The following ASTN2 variants were observed in gnomAD, a reference collection of about 807,000 sequenced individuals.
ASTN2 encodes astrotactin-2.
In ASTN2, 54 loss-of-function variants were observed where a neutral mutation model predicts 139.8. That is an observed-to-expected ratio of 0.39 (90% confidence interval 0.31 to 0.48). The LOEUF is 0.48. Among genes scored for constraint, ASTN2 ranks in the 20% least tolerant of loss-of-function variants. ASTN2 has a pLI of 0.95. For synonymous variants in ASTN2, 756 were observed against 719.5 expected, an observed-to-expected ratio of 1.05 and a Z score of -0.81; for missense variants, 1,565 against 1,725.1, an observed-to-expected ratio of 0.91 and a Z score of 1.64.
intron 20 of ASTN2, among the ~76,000 whole-genome samples, chr9:116,479,578 C>A (rs1258156358): frequency 6.6e-6 from 1 of 152,130 alleles, no homozygotes; most frequent in East Asian, 1.9e-4. Flanking sequence ...CAGATGAGAG[C>A]TGGGAAATCA....
chr9:116,478,268 A>C, intron 20 of ASTN2, among the ~76,000 whole-genome samples: 1 of 149,056 alleles, frequency 6.7e-6, no homozygotes. Flanking sequence ...GGAAGGAAGG[A>C]AGGAAGGAAG....
rs138991997 is a variant in ASTN2 at position 117,213,465 on chromosome 9, G to T, written c.1015+893C>A. Reference sequence around the variant, plus strand: ...GCTTATTGAACATTCCCAATGCAAAGAAATGATCAATGTTTAAGATGATTG... The same window carrying T: ...GCTTATTGAACATTCCCAATGCAAATAAATGATCAATGTTTAAGATGATTG... On this transcript the variant is annotated intron_variant, in intron 3 of 22. Coordinates refer to ENST00000313400, the MANE Select transcript of ASTN2 (RefSeq NM_001365068.1). 1.8e-3 allele frequency among the ~76,000 whole-genome samples: 276 copies of T among 152,232 alleles called. 1 individual carries two copies. Among genetic ancestry groups the T allele is most frequent in the Non-Finnish European group, 3.0e-3 (205 of 68,018 alleles).
intron 6 of ASTN2, among the ~76,000 whole-genome samples, chr9:117,016,443 C>T (rs1485437773): frequency 6.6e-6 from 1 of 150,878 alleles, no homozygotes; most frequent in Non-Finnish European, 1.5e-5. Flanking sequence ...GGGAAACTGT[C>T]ACTGGGCTAG....
At chr9:117,051,074 C>T (rs948060524) in intron 5 of ASTN2, among the ~76,000 whole-genome samples, 1 of 152,132 alleles carries the variant, frequency 6.6e-6, no homozygotes, top group Non-Finnish European at 1.5e-5. Context: ...CATATATTTT[C>T]TGTTCTAATT....
At chr9:116,533,984 C>T (rs139991194) in intron 19 of ASTN2, among the ~76,000 whole-genome samples, 9,071 of 152,240 alleles carry the variant, frequency 0.06, 355 homozygotes, top group Non-Finnish European at 0.089. Context: ...GTGAATCCAT[C>T]TGGTCCTGGA....
At chr9:116,990,863 T>G (rs1361682665) in intron 7 of ASTN2, among the ~76,000 whole-genome samples, 3 of 152,166 alleles carry the variant, frequency 2.0e-5, no homozygotes, top group Non-Finnish European at 4.4e-5. Flanking sequence ...CAGGTTTCAT[T>G]GTTAGGTTCA....
chr9:116,631,890 C>T (rs112594064), intron 17 of ASTN2, among the ~76,000 whole-genome samples: 4,447 of 151,894 alleles, frequency 0.029, 200 homozygotes, highest in African/African-American at 0.1. Flanking sequence ...CCGAGGCAGG[C>T]GGATCACAAG....
At chr9:117,358,759 A>G (rs1490485850) in intron 1 of ASTN2, among the ~76,000 whole-genome samples, 1 of 152,098 alleles carries the variant, frequency 6.6e-6, no homozygotes, top group Non-Finnish European at 1.5e-5. Context: ...GTTGCATCCA[A>G]CTGTTCAACA....
chr9:116,532,411 G>T (rs1252189152), intron 19 of ASTN2, among the ~76,000 whole-genome samples: 2 of 152,142 alleles, frequency 1.3e-5, no homozygotes, highest in Admixed American at 1.3e-4. Context: ...ACTGTTTTTG[G>T]TGTTTTAGAT....
chr9:117,207,011 C>T (rs575707913), intron 3 of ASTN2, among the ~76,000 whole-genome samples: 1 of 152,292 alleles, frequency 6.6e-6, no homozygotes, highest in East Asian at 1.9e-4. Context: ...AACAGCCAAG[C>T]AGCCAACAGC....
intron 11 of ASTN2, among the ~76,000 whole-genome samples, chr9:116,851,975 T>C (rs775826594): frequency 2.6e-5 from 4 of 152,142 alleles, no homozygotes; most frequent in Non-Finnish European, 4.4e-5. Flanking sequence ...AACTCTGAAT[T>C]TGTAGGAAGG....
In ASTN2 at chr9:116,999,413, A is replaced by T. The variant is rs74798283; in HGVS notation, c.1591+8679T>A. 4.6e-5 allele frequency among the ~76,000 whole-genome samples: 7 copies of T among 152,208 alleles called. No individual in the cohort carries two copies. The East Asian group carries it at 1.2e-3, about 25-fold the overall frequency. On this transcript the variant is annotated intron_variant, in intron 7 of 22. Transcript: ENST00000313400. ...GTCCCCACTCATTGCTTTGTTGAAG[A>T]GAAGGAATCTGAAGTTCACGGTATG...
chr9:116,863,067 C>T (rs1832931263), intron 11 of ASTN2, among the ~76,000 whole-genome samples: 3 of 152,128 alleles, frequency 2.0e-5, no homozygotes, highest in Non-Finnish European at 4.4e-5. Context: ...CATGTCTTTG[C>T]TTGGCTGTCT....
intron 14 of ASTN2, among the ~76,000 whole-genome samples, chr9:116,731,197 T>C (rs1384384621): frequency 7.1e-6 from 1 of 140,464 alleles, no homozygotes; most frequent in East Asian, 2.0e-4. Flanking sequence ...ATAATAATAA[T>C]AATAATAATA....
At chr9:116,515,208 T>C (rs946135697) in intron 19 of ASTN2, among the ~76,000 whole-genome samples, 4 of 152,204 alleles carry the variant, frequency 2.6e-5, no homozygotes, top group African/African-American at 9.6e-5. Context: ...ATATGAATCC[T>C]AGCTTTCCCT....
intron 5 of ASTN2, among the ~76,000 whole-genome samples, chr9:117,047,847 GTTA>G (rs558454633): frequency 0.013 from 1,955 of 151,806 alleles, 23 homozygotes; most frequent in Non-Finnish European, 0.023. Flanking sequence ...AATAATAATT[GTTA>G]TTATTATTAT....
At chr9:116,428,934 G>A (rs1847402009) in intron 22 of ASTN2, among the ~76,000 whole-genome samples, 1 of 152,208 alleles carries the variant, frequency 6.6e-6, no homozygotes, top group Non-Finnish European at 1.5e-5. Context: ...GTAAGTGGGA[G>A]AGTTATTGAA....
rs367865085 is a variant in ASTN2 at position 117,123,702 on chromosome 9, A to C, written c.1168+17624T>G. 2.6e-5 allele frequency among the ~76,000 whole-genome samples: 4 copies of C among 152,116 alleles called. No homozygotes were observed. The East Asian group carries it at 7.7e-4, about 29-fold the overall frequency. ...TTTGGAGACTCAGAGAGGTAATTACATTAAGAGGCAAGCAAAGCAAAGAGA... is the reference window on the plus strand; with the variant it reads ...TTTGGAGACTCAGAGAGGTAATTACCTTAAGAGGCAAGCAAAGCAAAGAGA... On this transcript the variant is annotated intron_variant, in intron 4 of 22. Coordinates refer to ENST00000313400, the MANE Select transcript of ASTN2 (RefSeq NM_001365068.1).
Position 116,530,146 on chromosome 9 carries a change from TATATAA to T in ASTN2, c.3356-42652_3356-42647del, listed in dbSNP as rs1434765148. Among the ~76,000 whole-genome samples, 106 of 21,608 alleles carry T rather than the reference TATATAA, an allele frequency of 4.9e-3. 11 individuals are homozygous for T. The highest frequency in any genetic ancestry group is 7.1e-3 in the African/African-American group (30 of 4,250). 14.2% of individuals were successfully genotyped at this position (21,608 alleles called of 152,430 possible). A position where few individuals can be genotyped will look rare whatever the true frequency, so the allele number is the denominator to read the frequency against. On this transcript the variant is annotated intron_variant, in intron 19 of 22. Coordinates refer to ENST00000313400, the MANE Select transcript of ASTN2 (RefSeq NM_001365068.1). Reference sequence around the variant, plus strand: ...ATATATATATATATATATATATATATATATAAAATAGAATATTATTAATCCTTAAAA... The same window carrying T: ...ATATATATATATATATATATATATATAATAGAATATTATTAATCCTTAAAA...
Sources: gnomAD v4.1 joint callset for allele counts (sites outside exome capture counted in the v4.1 genomes callset) on GRCh38, gnomAD v4.1.1 for gene constraint, MANE v1.5 for transcripts, NCBI Gene and HGNC (gene_info 2026-07-23, HGNC 2026-07-21) for gene names.